The following SLC24A3 variants were observed in gnomAD, a reference collection of about 807,000 sequenced individuals.
The protein encoded by SLC24A3 is solute carrier family 24 member 3, also known as sodium/potassium/calcium exchanger 3.
SLC24A3 carries 28 observed loss-of-function variants against 75.8 expected under a neutral mutation model. The ratio of observed to expected loss-of-function variants is 0.37; its 90% CI spans 0.27 to 0.51. The LOEUF (loss-of-function observed/expected upper bound fraction) is 0.51, where lower values mean the gene tolerates loss of function less well. Among genes scored for constraint, SLC24A3 ranks in the 20% least tolerant of loss-of-function variants. SLC24A3 has a pLI of 0.94. For synonymous variants in SLC24A3, 372 were observed against 334.1 expected (o/e 1.11, Z -1.24); for missense variants, 663 against 847.8 (o/e 0.78, Z 2.71).
chr20:19,269,783 G>T (rs536992235), intron 1 of SLC24A3, among the ~76,000 whole-genome samples: 1 of 152,170 alleles, frequency 6.6e-6, no homozygotes, highest in Non-Finnish European at 1.5e-5. Flanking sequence ...CCATCATCAG[G>T]TGAGGTGGGC....
intron 2 of SLC24A3, among the ~76,000 whole-genome samples, chr20:19,317,110 A>G (rs1984604984): frequency 6.6e-6 from 1 of 152,204 alleles, no homozygotes; most frequent in African/African-American, 2.4e-5. Flanking sequence ...AGAACTGGCT[A>G]GCTGTATACA....
intron 1 of SLC24A3, among the ~76,000 whole-genome samples, chr20:19,268,274 TG>T (rs1412377195): frequency 6.6e-6 from 1 of 152,192 alleles, no homozygotes; most frequent in Non-Finnish European, 1.5e-5. Flanking sequence ...CAGGTGCCAT[TG>T]TGAATTCATA....
In SLC24A3 at chr20:19,528,310, G is replaced by A. The variant is rs186578768; in HGVS notation, c.348+12746G>A. On this transcript the variant is annotated intron_variant, in intron 3 of 16. Transcript: ENST00000328041. Reference sequence around the variant, plus strand: ...TTGTAATAAACTGTCAGCCATCAGCGCTCCCACTCACCATAAGCTAGGGAC... The same window carrying A: ...TTGTAATAAACTGTCAGCCATCAGCACTCCCACTCACCATAAGCTAGGGAC... Among the ~76,000 whole-genome samples the A allele has an allele frequency of 5.9e-5, 9 of 152,192 alleles. No individual in the cohort carries two copies. In the East Asian group the frequency reaches 1.4e-3, roughly 23 times the overall value.
At chr20:19,577,501 C>G (rs1458016766) in intron 3 of SLC24A3, among the ~76,000 whole-genome samples, 2 of 152,138 alleles carry the variant, frequency 1.3e-5, no homozygotes, top group African/African-American at 4.8e-5. Context: ...AGAATTCTTA[C>G]CTCTAAAATC....
At chr20:19,438,583 T>C (rs753462732) in intron 2 of SLC24A3, among the ~76,000 whole-genome samples, 4 of 151,904 alleles carry the variant, frequency 2.6e-5, no homozygotes, top group Non-Finnish European at 4.4e-5. Context: ...CCCTACATGG[T>C]AGGCAGTGTG....
intron 2 of SLC24A3, among the ~76,000 whole-genome samples, chr20:19,399,478 C>A (rs1467444648): frequency 6.6e-6 from 1 of 152,044 alleles, no homozygotes; most frequent in Non-Finnish European, 1.5e-5. Context: ...TTTCTAATTT[C>A]TCTTAGAATT....
intron 1 of SLC24A3, among the ~76,000 whole-genome samples, chr20:19,257,930 G>A (rs977289236): frequency 1.3e-5 from 2 of 152,348 alleles, no homozygotes; most frequent in Middle Eastern, 3.4e-3. Context: ...CACGTAAGCC[G>A]TCCTCTCATC....
intron 3 of SLC24A3, among the ~76,000 whole-genome samples, chr20:19,544,034 G>GA (rs996545205): frequency 7.9e-5 from 12 of 152,170 alleles, no homozygotes; most frequent in Admixed American, 6.5e-4. Context: ...GGTCCCACCA[G>GA]AAAGTCAAAC....
At chr20:19,428,762 C>T (rs1255476876) in intron 2 of SLC24A3, among the ~76,000 whole-genome samples, 3 of 151,338 alleles carry the variant, frequency 2.0e-5, no homozygotes, top group African/African-American at 7.3e-5. Context: ...TTGCAGCTTC[C>T]TTATCTACAC....
chr20:19,644,750 A>C (rs1256450049), intron 6 of SLC24A3, among the ~76,000 whole-genome samples: 2 of 152,220 alleles, frequency 1.3e-5, no homozygotes, highest in Non-Finnish European at 2.9e-5. Flanking sequence ...ATATAGCCAG[A>C]ATGGGCTGAG....
At chr20:19,335,498 T>C (rs6514994) in intron 2 of SLC24A3, among the ~76,000 whole-genome samples, 24,335 of 152,222 alleles carry the variant, frequency 0.16, 4,146 homozygotes, top group African/African-American at 0.4. Flanking sequence ...AAGGAATTCA[T>C]TCCTGTAGGA....
At chr20:19,413,120 AC>A (rs1986773487) in intron 2 of SLC24A3, among the ~76,000 whole-genome samples, 1 of 152,156 alleles carries the variant, frequency 6.6e-6, no homozygotes, top group South Asian at 2.1e-4. Context: ...TGGGCTACCT[AC>A]TTAGTCGTTG....
chr20:19,587,377 AG>A lies in SLC24A3; in HGVS notation c.612+1836del, dbSNP rs1394702932. Reference sequence around the variant, plus strand: ...GTTGGAACACCTGCATCAAAGGCAAAGGGCTCCCTGAACTCCAAAAAATGCT... The same window carrying A: ...GTTGGAACACCTGCATCAAAGGCAAAGGCTCCCTGAACTCCAAAAAATGCT... On this transcript the variant is annotated intron_variant, in intron 6 of 16. Coordinates refer to ENST00000328041, the MANE Select transcript of SLC24A3 (RefSeq NM_020689.4). Among the ~76,000 whole-genome samples, 3 of 152,206 alleles carry A rather than the reference AG, an allele frequency of 2.0e-5. No individual in the cohort carries two copies. The South Asian group carries it at 6.2e-4, about 32-fold the overall frequency.
At chr20:19,507,533 C>T (rs1055556957) in intron 2 of SLC24A3, among the ~76,000 whole-genome samples, 1 of 152,252 alleles carries the variant, frequency 6.6e-6, no homozygotes, top group African/African-American at 2.4e-5. Flanking sequence ...ATGCACATTG[C>T]ATCCTGATGT....
chr20:19,690,880 G>A (rs1394821156), intron 12 of SLC24A3, among the ~76,000 whole-genome samples: 3 of 151,816 alleles, frequency 2.0e-5, no homozygotes, highest in Non-Finnish European at 4.4e-5. Context: ...TATTTTTTTT[G>A]TTTGTTTGCT....
chr20:19,386,259 G>A (rs1986270786), intron 2 of SLC24A3, among the ~76,000 whole-genome samples: 2 of 152,032 alleles, frequency 1.3e-5, no homozygotes, highest in Admixed American at 1.3e-4. Context: ...TTTTTTGTAT[G>A]TTGATTTTGT....
At chr20:19,510,130 G>T (rs1159242786) in intron 2 of SLC24A3, among the ~76,000 whole-genome samples, 26 of 152,204 alleles carry the variant, frequency 1.7e-4, no homozygotes, top group Admixed American at 1.6e-3. Context: ...GCCCCAGTGG[G>T]TCTCTAAGAT....
At chr20:19,609,376 T>C (rs2031641758) in intron 6 of SLC24A3, among the ~76,000 whole-genome samples, 1 of 152,096 alleles carries the variant, frequency 6.6e-6, no homozygotes, top group African/African-American at 2.4e-5. Flanking sequence ...CTTAATTTTT[T>C]AGTATTTATT....
chr20:19,676,032 C>G lies in SLC24A3; in HGVS notation c.767+2378C>G, dbSNP rs557637512. 2.6e-5 allele frequency among the ~76,000 whole-genome samples: 4 copies of G among 152,316 alleles called. No individual in the cohort carries two copies. The South Asian group carries it at 8.3e-4, about 32-fold the overall frequency. On this transcript the variant is annotated intron_variant, in intron 9 of 16. Transcript: ENST00000328041. Reference sequence around the variant, plus strand: ...GAAGAATCGCCACACAGTGTCTGCTCTATGCCCAACATTAATCTTGGGTCT... The same window carrying G: ...GAAGAATCGCCACACAGTGTCTGCTGTATGCCCAACATTAATCTTGGGTCT...
Sources: gnomAD v4.1 joint callset for allele counts (sites outside exome capture counted in the v4.1 genomes callset) on GRCh38, gnomAD v4.1.1 for gene constraint, MANE v1.5 for transcripts, NCBI Gene and HGNC (gene_info 2026-07-23, HGNC 2026-07-21) for gene names.